GPHN: variants seen among roughly 807,000 people sequenced by gnomAD.
The protein encoded by GPHN is gephyrin.
In GPHN, 17 loss-of-function variants were observed where a neutral mutation model predicts 95.5. That is an observed-to-expected ratio of 0.18 (90% CI 0.12 to 0.27). The LOEUF is 0.27. GPHN is among the 10% of genes least tolerant of loss of function. The pLI, the probability that GPHN is intolerant of heterozygous loss-of-function variation, is 1.00. For synonymous variants in GPHN, 320 were observed against 322.5 expected, an observed-to-expected ratio of 0.99 and a Z score of 0.08; for missense variants, 660 against 978.1, an observed-to-expected ratio of 0.67 and a Z score of 4.34.
At chr14:67,222,422 G>A in the GPHN span, among the ~76,000 whole-genome samples, 1 of 152,122 alleles carries the variant, frequency 6.6e-6, no homozygotes, top group African/African-American at 2.4e-5. Context: ...CTCCTGAGTA[G>A]CTGGGATTAC....
chr14:66,890,984 G>A (rs2064465477), intron 5 of GPHN, among the ~76,000 whole-genome samples: 1 of 152,134 alleles, frequency 6.6e-6, no homozygotes, highest in African/African-American at 2.4e-5. Context: ...ATATTCAGCG[G>A]TGAAAGACTG....
chr14:67,274,979 T>C, the GPHN span, among the ~76,000 whole-genome samples: 1 of 152,246 alleles, frequency 6.6e-6, no homozygotes, highest in East Asian at 1.9e-4. Flanking sequence ...TTTTGTATCC[T>C]GAGACTTTGC....
chr14:66,778,191 G>A lies in GPHN; in HGVS notation c.201+1670G>A, dbSNP rs532487626. 2.9e-3 allele frequency among the ~76,000 whole-genome samples: 436 copies of A among 152,164 alleles called. 5 individuals carry two copies. The highest frequency in any genetic ancestry group is 3.1e-3 in the Non-Finnish European group (210 of 67,998). ...CTTATACACCAATAACAGACAAACA[G>A]AGAGCCAAATCATGAGTGAACTCCC... On this transcript the variant is annotated intron_variant, in intron 3 of 22. Transcript: ENST00000478722.
intron 9 of GPHN, chr14:66,996,088 G>T: frequency 2.5e-6 from 2 of 810,620 alleles, no homozygotes; most frequent in Non-Finnish European, 4.1e-6. Context: ...CAAGTGTGTT[G>T]GTGATGGAGC....
the GPHN span, among the ~76,000 whole-genome samples, chr14:67,483,890 A>C: frequency 6.6e-6 from 1 of 152,220 alleles, no homozygotes; most frequent in African/African-American, 2.4e-5. Context: ...TCAGATCCCA[A>C]GCAAACCGCA....
At chr14:67,308,358 C>T in the GPHN span, among the ~76,000 whole-genome samples, 2 of 148,040 alleles carry the variant, frequency 1.4e-5, no homozygotes, top group African/African-American at 2.5e-5. Context: ...TTGAGGGCGT[C>T]ACCAATGTGA....
Position 66,654,706 on chromosome 14 carries a change from T to C in GPHN, c.65-26401T>C, listed in dbSNP as rs140382769. On this transcript the variant is annotated intron_variant, in intron 1 of 22. Coordinates refer to ENST00000478722, the MANE Select transcript of GPHN (RefSeq NM_020806.5). ...CCTTTTATGGATGGTGCTTTTTGTG[T>C]CAAGTATAAAAATTCCTTGTCTAGC... 9.3e-3 allele frequency among the ~76,000 whole-genome samples: 1,414 copies of C among 152,286 alleles called. 24 individuals are homozygous for C. The highest frequency in any genetic ancestry group is 0.031 in the African/African-American group (1,280 of 41,568).
chr14:67,322,404 A>G, the GPHN span, among the ~76,000 whole-genome samples: 1,606 of 152,262 alleles, frequency 0.011, 27 homozygotes, highest in African/African-American at 0.036. Flanking sequence ...AGAAACTCCA[A>G]ATGTTACGGA....
At chr14:66,721,088 A>C (rs1052458365) in intron 2 of GPHN, among the ~76,000 whole-genome samples, 1 of 152,148 alleles carries the variant, frequency 6.6e-6, no homozygotes. Flanking sequence ...TGAGCTCATC[A>C]GTTGCTTTAT....
At chr14:67,620,880 T>C in the GPHN span, 3 of 1,613,962 alleles carry the variant, frequency 1.9e-6, no homozygotes, top group African/African-American at 4.0e-5. Flanking sequence ...TTGTGTAATT[T>C]GTGTGACTGA....
At chr14:67,175,171 G>A (rs1374382659) in intron 21 of GPHN, among the ~76,000 whole-genome samples, 1 of 152,160 alleles carries the variant, frequency 6.6e-6, no homozygotes, top group Non-Finnish European at 1.5e-5. Flanking sequence ...GTCCTGAATG[G>A]TATTGTCTAG....
At chr14:67,369,873 C>G in the GPHN span, among the ~76,000 whole-genome samples, 1 of 152,112 alleles carries the variant, frequency 6.6e-6, no homozygotes, top group East Asian at 1.9e-4. Flanking sequence ...GAGACCCTAA[C>G]CCAGAGGCGC....
chr14:67,089,083 T>G lies in GPHN; in HGVS notation c.1237+8T>G, dbSNP rs746861329. ...ATGGCTATGCTGTCCGAGGTAAATATTTTGGTTTTCTTAAACATAATCAGG... is the reference window on the plus strand; with the variant it reads ...ATGGCTATGCTGTCCGAGGTAAATAGTTTGGTTTTCTTAAACATAATCAGG... On this transcript the variant is annotated splice_region_variant and intron_variant, in intron 12 of 22. Transcript: ENST00000478722. 1 of 1,437,470 alleles carries G rather than the reference T, an allele frequency of 7.0e-7. No homozygotes were observed. Among genetic ancestry groups the G allele is most frequent in the South Asian group, 1.1e-5 (1 of 87,712 alleles). 89.0% of individuals were successfully genotyped at this position (1,437,470 alleles called of 1,614,324 possible).
At chr14:67,267,861 G>A in the GPHN span, among the ~76,000 whole-genome samples, 1 of 152,114 alleles carries the variant, frequency 6.6e-6, no homozygotes, top group South Asian at 2.1e-4. Context: ...GTCTGGCATT[G>A]TGTTTTTGAG....
chr14:66,650,062 G>T (rs532327058), intron 1 of GPHN, among the ~76,000 whole-genome samples: 23 of 150,064 alleles, frequency 1.5e-4, no homozygotes, highest in African/African-American at 5.6e-4. Flanking sequence ...ACCCAATGAT[G>T]AGATAGCAGA....
chr14:67,289,513 G>A, the GPHN span, among the ~76,000 whole-genome samples: 10 of 151,954 alleles, frequency 6.6e-5, no homozygotes, highest in African/African-American at 2.4e-4. Context: ...CACTGATACC[G>A]AGGGATAACT....
chr14:67,312,391 A>G, the GPHN span: 1 of 562,442 alleles, frequency 1.8e-6, no homozygotes, highest in African/African-American at 1.9e-5. Context: ...TATCCTGGAC[A>G]ACATACTGAG....
At chr14:67,401,011 T>C in the GPHN span, among the ~76,000 whole-genome samples, 1 of 151,532 alleles carries the variant, frequency 6.6e-6, no homozygotes, top group Non-Finnish European at 1.5e-5. Context: ...ATAATAATAA[T>C]AATAATAGTA....
chr14:66,753,922 A>G (rs2058465362), intron 2 of GPHN, among the ~76,000 whole-genome samples: 1 of 152,268 alleles, frequency 6.6e-6, no homozygotes, highest in South Asian at 2.1e-4. Context: ...CTATCACTAT[A>G]GATTTGCCTA....
Sources: gnomAD v4.1 joint callset for allele counts (sites outside exome capture counted in the v4.1 genomes callset) on GRCh38, gnomAD v4.1.1 for gene constraint, MANE v1.5 for transcripts, NCBI Gene and HGNC (gene_info 2026-07-23, HGNC 2026-07-21) for gene names.